CADPS2: variants seen among roughly 807,000 people sequenced by gnomAD.
The protein encoded by CADPS2 is calcium-dependent secretion activator 2.
Under a neutral mutation model 172.5 loss-of-function variants are expected in CADPS2, and 93 were observed. The ratio of observed to expected loss-of-function variants is 0.54; its 90% CI spans 0.46 to 0.64. The LOEUF is 0.64. CADPS2 is among the 30% of genes least tolerant of loss of function. The pLI, the probability that CADPS2 is intolerant of heterozygous loss-of-function variation, is 0.00. For missense variants in CADPS2, 1,420 were observed against 1,565.9 expected, an observed-to-expected ratio of 0.91 and a Z score of 1.57; for synonymous variants, 546 against 555.2, an observed-to-expected ratio of 0.98 and a Z score of 0.23.
intron 28 of CADPS2, among the ~76,000 whole-genome samples, chr7:122,328,188 A>G (rs1417546563): frequency 2.0e-5 from 3 of 151,790 alleles, no homozygotes; most frequent in Non-Finnish European, 4.4e-5. Context: ...ACAAACAATG[A>G]AAGCCACCAG....
rs145262890 is a variant in CADPS2 at position 122,862,203 on chromosome 7, T to C, written c.339+23796A>G. ...AAGTGGAGAGATTACTGCTGTACTT[T>C]GGAATAGTGATTCTCAAACTAAATC... On this transcript the variant is annotated intron_variant, in intron 1 of 29. Transcript: ENST00000449022. Among the ~76,000 whole-genome samples the C allele has an allele frequency of 4.6e-5, 7 of 152,356 alleles. No homozygotes were observed. The East Asian group carries it at 1.3e-3, about 29-fold the overall frequency.
At chr7:122,467,425 A>G (rs1009123150) in intron 14 of CADPS2, among the ~76,000 whole-genome samples, 2 of 152,208 alleles carry the variant, frequency 1.3e-5, no homozygotes, top group African/African-American at 4.8e-5. Context: ...AGTCAAGGGG[A>G]AATGTTAGCA....
chr7:122,552,124 T>C (rs1216690645), intron 8 of CADPS2, among the ~76,000 whole-genome samples: 1 of 152,190 alleles, frequency 6.6e-6, no homozygotes, highest in Non-Finnish European at 1.5e-5. Flanking sequence ...ATTACTATTA[T>C]AGCATTGCTG....
intron 8 of CADPS2, among the ~76,000 whole-genome samples, chr7:122,517,426 G>A (rs1318689818): frequency 6.6e-6 from 1 of 152,006 alleles, no homozygotes; most frequent in Admixed American, 6.6e-5. Context: ...CTAGGAGTGG[G>A]ATTGTAGGGT....
intron 17 of CADPS2, chr7:122,424,230 AAG>A: frequency 3.3e-6 from 2 of 601,082 alleles, no homozygotes; most frequent in Non-Finnish European, 4.2e-6. Flanking sequence ...CATTTAAAGT[AAG>A]AGTTGCAGTT....
At chr7:122,629,810 C>T (rs369650567) in intron 3 of CADPS2, among the ~76,000 whole-genome samples, 1 of 152,072 alleles carries the variant, frequency 6.6e-6, no homozygotes. Flanking sequence ...TCATATACTC[C>T]TCATTCTAAT....
At chr7:122,669,350 T>C (rs1362312407) in intron 2 of CADPS2, among the ~76,000 whole-genome samples, 1 of 76,196 alleles carries the variant, frequency 1.3e-5, no homozygotes, top group Admixed American at 1.3e-4. Flanking sequence ...TATATATATA[T>C]ATATATTTTT....
At chr7:122,346,132 T>C (rs1217224965) in intron 27 of CADPS2, among the ~76,000 whole-genome samples, 2 of 152,052 alleles carry the variant, frequency 1.3e-5, no homozygotes, top group African/African-American at 4.8e-5. Context: ...TTTGAAAGGC[T>C]GAGGCAGGTG....
chr7:122,637,171 CTT>C (rs71161313), intron 3 of CADPS2, among the ~76,000 whole-genome samples: 3 of 53,900 alleles, frequency 5.6e-5, no homozygotes, highest in Non-Finnish European at 1.1e-4. Flanking sequence ...TGAAATTTTG[CTT>C]TTTTTTTTTT....
At chr7:122,639,858 T>G (rs1217861820) in intron 3 of CADPS2, among the ~76,000 whole-genome samples, 1 of 152,186 alleles carries the variant, frequency 6.6e-6, no homozygotes, top group African/African-American at 2.4e-5. Flanking sequence ...AAATATTCAC[T>G]GCCTGGATGC....
intron 6 of CADPS2, among the ~76,000 whole-genome samples, chr7:122,593,342 A>C (rs1316911091): frequency 1.3e-5 from 2 of 152,144 alleles, no homozygotes; most frequent in Non-Finnish European, 2.9e-5. Context: ...GGAAATAAAA[A>C]AGAGCCATTA....
intron 25 of CADPS2, among the ~76,000 whole-genome samples, chr7:122,369,411 G>A (rs533759776): frequency 4.7e-4 from 71 of 152,214 alleles, no homozygotes; most frequent in South Asian, 1.2e-3. Context: ...GATTACAGGC[G>A]TGAGCCACTG....
intron 2 of CADPS2, among the ~76,000 whole-genome samples, chr7:122,678,979 G>A (rs781593200): frequency 3.9e-5 from 6 of 152,228 alleles, no homozygotes; most frequent in Non-Finnish European, 7.4e-5. Flanking sequence ...ATCTTCGTAA[G>A]TTGAGGATGT....
At chr7:122,766,602 C>T (rs1381066044) in intron 1 of CADPS2, among the ~76,000 whole-genome samples, 1 of 152,072 alleles carries the variant, frequency 6.6e-6, no homozygotes, top group Non-Finnish European at 1.5e-5. Flanking sequence ...AGAGTATGTC[C>T]TTTAATAAAT....
At chr7:122,479,462 A>C (rs755903821) in intron 12 of CADPS2, among the ~76,000 whole-genome samples, 2 of 152,236 alleles carry the variant, frequency 1.3e-5, no homozygotes, top group Non-Finnish European at 2.9e-5. Context: ...AATTTTACCT[A>C]GATCAGCCTG....
chr7:122,560,053 G>C (rs1198374433), intron 7 of CADPS2, among the ~76,000 whole-genome samples: 2 of 152,112 alleles, frequency 1.3e-5, no homozygotes, highest in African/African-American at 4.8e-5. Flanking sequence ...GGTGACTGGA[G>C]ACCTGAGCAG....
chr7:122,770,070 C>T (rs986320715), intron 1 of CADPS2, among the ~76,000 whole-genome samples: 1 of 152,136 alleles, frequency 6.6e-6, no homozygotes, highest in South Asian at 2.1e-4. Context: ...AAAGGTTAAG[C>T]AACTCCCAAG....
At chr7:122,663,197 G>T in intron 3 of CADPS2, 40 bp downstream of exon 3, 3 of 1,372,312 alleles carry the variant, frequency 2.2e-6, no homozygotes, top group South Asian at 1.3e-5. Flanking sequence ...TTCATTCCAC[G>T]AGTCAGACAG....
chr7:122,844,539 T>G (rs1811439037), intron 1 of CADPS2, among the ~76,000 whole-genome samples: 1 of 152,176 alleles, frequency 6.6e-6, no homozygotes, highest in South Asian at 2.1e-4. Flanking sequence ...GGATATCCTG[T>G]TTTATCACAT....
Sources: allele counts gnomAD v4.1 joint callset (sites outside exome capture counted in the v4.1 genomes callset), GRCh38; gene constraint gnomAD v4.1.1; transcripts MANE v1.5; gene names NCBI Gene and HGNC (gene_info 2026-07-23, HGNC 2026-07-21).